Variants in RUBCN observed in about 807,000 individuals in gnomAD.
The protein encoded by RUBCN is run domain Beclin-1-interacting and cysteine-rich domain-containing protein.
A neutral mutation model predicts 113.2 loss-of-function variants in RUBCN; 74 were observed. The observed-to-expected ratio is 0.65, with a 90% confidence interval of 0.54 to 0.79. The LOEUF (loss-of-function observed/expected upper bound fraction) is 0.79, where lower values mean the gene tolerates loss of function less well. RUBCN is among the 30% of genes least tolerant of loss of function. RUBCN has a pLI of 0.00. For missense variants in RUBCN, 1,109 were observed against 1,251.7 expected, an observed-to-expected ratio of 0.89 and a Z score of 1.72; for synonymous variants, 480 against 490.0, an observed-to-expected ratio of 0.98 and a Z score of 0.27.
At chr3:197,724,332 T>A (rs1010476381) in intron 1 of RUBCN, among the ~76,000 whole-genome samples, 1 of 152,138 alleles carries the variant, frequency 6.6e-6, no homozygotes, top group South Asian at 2.1e-4. Context: ...TTACACTATA[T>A]AACTAATACA....
Position 197,700,630 on chromosome 3 carries a change from G to A in RUBCN, c.1244C>T (p.Ala415Val). The A allele has an allele frequency of 6.2e-7, 1 of 1,614,108 alleles. No homozygotes were observed. Among genetic ancestry groups the A allele is most frequent in the Non-Finnish European group, 8.5e-7 (1 of 1,180,032 alleles). Residue 415 changes from alanine to valine, a missense_variant, in exon 7 of 20, where the codon GCC (alanine) becomes GTC (valine). Physicochemically the swap from Ala to Val is moderately conservative, Grantham distance 64. Around this residue, in one of 3 missense-constraint regions of RUBCN, gnomAD observed 736 missense variants for 779.6 expected, o/e 0.94. Coordinates refer to ENST00000296343, the MANE Select transcript of RUBCN (RefSeq NM_014687.4). ...CTCATTACCTGGAGCTCCCCTGGAG[G>A]CAATGCTGGTATCCGAATGGGAGCG... ...HIRSHSDTSI[A>V]SRGAPESCND...
Position 197,681,035 on chromosome 3 carries a change from A to C in RUBCN, c.2430+94T>G. The C allele has an allele frequency of 2.0e-6, 1 of 492,256 alleles. No individual in the cohort carries two copies. Among genetic ancestry groups the C allele is most frequent in the East Asian group, 3.7e-5 (1 of 26,946 alleles). The allele number at this position is 492,256 out of a possible 1,614,324, so 30.5% of individuals were successfully genotyped here. Reference sequence around the variant, plus strand: ...GGGGATGGGGGGAGGGGACAAGAGGAGGGGATGGGGGGAGGGGACGGGGGA... The same window carrying C: ...GGGGATGGGGGGAGGGGACAAGAGGCGGGGATGGGGGGAGGGGACGGGGGA... On this transcript the variant is annotated intron_variant, in intron 16 of 19. Coordinates refer to ENST00000296343, the MANE Select transcript of RUBCN (RefSeq NM_014687.4). This position sits in a 1 kb window ranked among gnomAD's most constrained non-coding sequence, Gnocchi z 5.5.
intron 2 of RUBCN, among the ~76,000 whole-genome samples, chr3:197,712,559 C>T (rs1482082092): frequency 6.6e-6 from 1 of 152,156 alleles, no homozygotes; most frequent in Non-Finnish European, 1.5e-5. Context: ...GACTTTAATT[C>T]TCAGATCTTT....
intron 18 of RUBCN, 148 bp downstream of exon 18, chr3:197,676,737 G>A (rs1214320506): frequency 1.3e-5 from 20 of 1,519,534 alleles, no homozygotes; most frequent in East Asian, 2.4e-5. Context: ...TCCAGGCTAA[G>A]GAACAGCAGC....
chr3:197,747,599 CAAAA>C (rs1383165284), intron 1 of RUBCN, among the ~76,000 whole-genome samples: 1 of 152,004 alleles, frequency 6.6e-6, no homozygotes, highest in East Asian at 1.9e-4. Context: ...ACCTGAAGTA[CAAAA>C]TGCCTCCAAA....
upstream of RUBCN, among the ~76,000 whole-genome samples, chr3:197,740,197 C>A (rs193035212): frequency 2.8e-4 from 43 of 151,712 alleles, no homozygotes; most frequent in African/African-American, 1.0e-3. Flanking sequence ...TTACCTATCC[C>A]ATCCCTCTAC....
In RUBCN at chr3:197,670,863, A is replaced by C. The variant is rs1391005750; in HGVS notation, c.*4155T>G. On this transcript the variant is annotated 3_prime_UTR_variant, in exon 20 of 20. Transcript: ENST00000296343. ...TCCTCTGATGATGACTGCTGGACAA[A>C]CACAACAGGAGCAGTTGCAGACAAA... Among the ~76,000 whole-genome samples the C allele has an allele frequency of 3.3e-5, 5 of 152,204 alleles. No individual in the cohort carries two copies. The highest frequency in any genetic ancestry group is 9.7e-5 in the African/African-American group (4 of 41,448).
chr3:197,681,470 T>TGGCCTG lies in RUBCN; in HGVS notation c.2192-104_2192-103insCAGGCC. The TGGCCTG allele has an allele frequency of 1.2e-6, 1 of 853,768 alleles. No individual in the cohort carries two copies. Among genetic ancestry groups the TGGCCTG allele is most frequent in the Non-Finnish European group, 1.9e-6 (1 of 513,862 alleles). 52.9% of individuals were successfully genotyped at this position (853,768 alleles called of 1,614,324 possible). On this transcript the variant is annotated intron_variant, in intron 15 of 19. Transcript: ENST00000296343. The surrounding 1 kb of genome is among the most constrained non-coding windows in gnomAD (Gnocchi z 5.5). ...TGAAAGGGCAGAGAGGGACAGCCAA[T>TGGCCTG]GGCCTCCAGCAACCTCTGTCTGAGT...
rs912264954 is a variant in RUBCN at position 197,675,914 on chromosome 3, T to C, written c.2647-399A>G. Among the ~76,000 whole-genome samples the C allele has an allele frequency of 1.3e-5, 2 of 151,562 alleles. No homozygotes were observed. The highest frequency in any genetic ancestry group is 4.9e-5 in the African/African-American group (2 of 41,216). The stretch of plus-strand genomic sequence containing the variant: ...CTCAAACACAGCTCCAAGCCTGGAG[T>C]CAGGTTGTAGTGAAGGATTTCCAGT... On this transcript the variant is annotated intron_variant, in intron 18 of 19. Transcript: ENST00000296343. This position sits in a 1 kb window ranked among gnomAD's most constrained non-coding sequence, Gnocchi z 4.4.
intron 1 of RUBCN, among the ~76,000 whole-genome samples, chr3:197,742,047 G>A (rs1013329228): frequency 9.2e-5 from 14 of 151,602 alleles, no homozygotes; most frequent in African/African-American, 1.2e-4. Flanking sequence ...ACGGGCGCCC[G>A]CTGCCGCCTG....
At chr3:197,705,475 G>A (rs539026755) in intron 2 of RUBCN, among the ~76,000 whole-genome samples, 2 of 149,468 alleles carry the variant, frequency 1.3e-5, no homozygotes, top group East Asian at 4.1e-4. Context: ...TGAGGTGGGA[G>A]AATCACTTGA....
intron 2 of RUBCN, among the ~76,000 whole-genome samples, chr3:197,715,760 GAGT>G (rs771273011): frequency 6.6e-6 from 1 of 152,126 alleles, no homozygotes; most frequent in Non-Finnish European, 1.5e-5. Context: ...TAGCTAACAT[GAGT>G]TAACTACTAA....
At position 197,682,625 on chromosome 3, in the gene RUBCN, G is replaced by A. The variant is rs2108852623; in HGVS notation, c.1981-10C>T. Reference sequence around the variant, plus strand: ...CAGGAATGGGCAGGAGCTGCAGGAGGAAAGCACAGTTGGGGTAAGCTCGTG... The same window carrying A: ...CAGGAATGGGCAGGAGCTGCAGGAGAAAAGCACAGTTGGGGTAAGCTCGTG... On this transcript the variant is annotated splice_polypyrimidine_tract_variant and intron_variant, in intron 13 of 19. Coordinates refer to ENST00000296343, the MANE Select transcript of RUBCN (RefSeq NM_014687.4). 1 of 1,602,304 alleles carries A rather than the reference G, an allele frequency of 6.2e-7. No individual in the cohort carries two copies. The highest frequency in any genetic ancestry group is 8.5e-7 in the Non-Finnish European group (1 of 1,173,058).
intron 1 of RUBCN, among the ~76,000 whole-genome samples, chr3:197,719,602 T>G (rs1725925339): frequency 6.6e-6 from 1 of 152,146 alleles, no homozygotes; most frequent in Non-Finnish European, 1.5e-5. Context: ...CTTTGAGCAT[T>G]CAGATCTACC....
chr3:197,731,290 T>C (rs1727430520), intron 1 of RUBCN, among the ~76,000 whole-genome samples: 1 of 152,128 alleles, frequency 6.6e-6, no homozygotes, highest in South Asian at 2.1e-4. Flanking sequence ...AGCACATGTT[T>C]CAGAGAGCAC....
chr3:197,697,199 G>A, intron 7 of RUBCN, 150 bp from the exon 8 acceptor site: 1 of 667,226 alleles, frequency 1.5e-6, no homozygotes, highest in South Asian at 1.5e-5. Context: ...CAGCCCAAGG[G>A]TACAGAAACA....
At chr3:197,732,775 A>G (rs1022645398) in intron 1 of RUBCN, among the ~76,000 whole-genome samples, 3 of 152,196 alleles carry the variant, frequency 2.0e-5, no homozygotes, top group Admixed American at 1.3e-4. Context: ...GGGAAGTGGG[A>G]AGCTAAGCCA....
chr3:197,713,890 C>T (rs182837300), intron 2 of RUBCN, among the ~76,000 whole-genome samples: 17 of 151,860 alleles, frequency 1.1e-4, no homozygotes, highest in Admixed American at 4.6e-4. Context: ...CTGGCTAACA[C>T]GGTGAAACCC....
chr3:197,744,926 C>T (rs1346418475), intron 1 of RUBCN, among the ~76,000 whole-genome samples: 2 of 152,052 alleles, frequency 1.3e-5, no homozygotes, highest in Non-Finnish European at 2.9e-5. Context: ...ATATCCTGTA[C>T]ACCTGTATAA....
Sources: gnomAD v4.1 joint callset for allele counts (sites outside exome capture counted in the v4.1 genomes callset) on GRCh38, gnomAD v4.1.1 for gene constraint, gnomAD v4.1.1 regional missense constraint, Gnocchi (gnomAD v3.1) non-coding constraint, MANE v1.5 for transcripts, NCBI Gene and HGNC (gene_info 2026-07-23, HGNC 2026-07-21) for gene names.